Variants in KAZN observed in about 807,000 individuals in gnomAD.
The protein encoded by KAZN is kazrin, periplakin interacting protein, also known as kazrin.
In KAZN, 40 loss-of-function variants were observed where a neutral mutation model predicts 87.4. That is an observed-to-expected ratio of 0.46 (90% CI 0.36 to 0.60). The LOEUF (loss-of-function observed/expected upper bound fraction) is 0.60. Among genes scored for constraint, KAZN ranks in the 20% least tolerant of loss-of-function variants. KAZN has a pLI of 0.00. For synonymous variants in KAZN, 466 were observed against 458.3 expected, an observed-to-expected ratio of 1.02 and a Z score of -0.22; for missense variants, 898 against 1,073.9, an observed-to-expected ratio of 0.84 and a Z score of 2.29.
At chr1:14,587,162 G>A (rs764415958) in intron 2 of KAZN, among the ~76,000 whole-genome samples, 3 of 152,216 alleles carry the variant, frequency 2.0e-5, no homozygotes, top group African/African-American at 4.8e-5. Flanking sequence ...GGGGCCAGGC[G>A]CGGTGGCTCA....
At chr1:14,745,200 C>T (rs140380408) in intron 1 of KAZN, among the ~76,000 whole-genome samples, 5 of 150,284 alleles carry the variant, frequency 3.3e-5, no homozygotes, top group African/African-American at 9.8e-5. Flanking sequence ...GAGTATACAG[C>T]GCCAAGACCG....
At position 14,565,497 on chromosome 1, in the gene KAZN, T is replaced by C. The variant is rs186632702; in HGVS notation, c.250-33486T>C. Among the ~76,000 whole-genome samples the C allele has an allele frequency of 2.1e-3, 322 of 152,306 alleles. 2 individuals carry two copies. Among genetic ancestry groups the C allele is most frequent in the Middle Eastern group, 0.01 (3 of 294 alleles). On this transcript the variant is annotated intron_variant, in intron 2 of 16. Transcript: ENST00000636203. ...CAATGCTGATGGTGGCTGCTGGAGGTTAGCGTGGCTCTGGCAATTTCTTAA... is the reference window on the plus strand; with the variant it reads ...CAATGCTGATGGTGGCTGCTGGAGGCTAGCGTGGCTCTGGCAATTTCTTAA...
At chr1:14,916,170 CTTTTTTTT>C (rs71307000) in intron 1 of KAZN, among the ~76,000 whole-genome samples, 12 of 113,598 alleles carry the variant, frequency 1.1e-4, no homozygotes, top group Non-Finnish European at 1.5e-4. Context: ...CACTGTTGTT[CTTTTTTTT>C]TTTTTTTTTT....
At chr1:14,315,701 A>G (rs1467778960) in intron 2 of KAZN, among the ~76,000 whole-genome samples, 1 of 152,016 alleles carries the variant, frequency 6.6e-6, no homozygotes, top group African/African-American at 2.4e-5. Flanking sequence ...GTTTTTAAAG[A>G]TTTATCCCTA....
At chr1:14,646,409 C>CA in intron 1 of KAZN, among the ~76,000 whole-genome samples, 1 of 152,064 alleles carries the variant, frequency 6.6e-6, no homozygotes, top group East Asian at 1.9e-4. Flanking sequence ...AAGACTGTCT[C>CA]AAAAACAGAA....
At chr1:15,091,421 T>G (rs1210556326) in intron 8 of KAZN, among the ~76,000 whole-genome samples, 1 of 152,234 alleles carries the variant, frequency 6.6e-6, no homozygotes, top group Admixed American at 6.5e-5. Context: ...CTCGACTTAC[T>G]GCAACCTCTG....
chr1:14,959,731 G>A (rs1034841162), intron 1 of KAZN, among the ~76,000 whole-genome samples: 1 of 152,212 alleles, frequency 6.6e-6, no homozygotes, highest in African/African-American at 2.4e-5. Context: ...TGCACAGCCT[G>A]ATCACTGCCT....
intron 2 of KAZN, among the ~76,000 whole-genome samples, chr1:14,450,676 G>C (rs1356148752): frequency 6.6e-6 from 1 of 152,134 alleles, no homozygotes; most frequent in Non-Finnish European, 1.5e-5. Flanking sequence ...TGGGGCGTGG[G>C]AAAAATGATG....
intron 4 of KAZN, among the ~76,000 whole-genome samples, chr1:15,046,486 A>AC (rs1338449793): frequency 1.3e-5 from 2 of 152,048 alleles, no homozygotes; most frequent in African/African-American, 4.8e-5. Flanking sequence ...CGATAATCAG[A>AC]CCCACGCACC....
chr1:13,907,106 C>G (rs1639467672), intron 1 of KAZN, among the ~76,000 whole-genome samples: 1 of 152,158 alleles, frequency 6.6e-6, no homozygotes, highest in South Asian at 2.1e-4. Context: ...GATGTGGTGT[C>G]TCTGTCTTCA....
intron 1 of KAZN, among the ~76,000 whole-genome samples, chr1:13,956,550 A>T (rs750460131): frequency 1.3e-5 from 2 of 151,928 alleles, no homozygotes; most frequent in African/African-American, 4.8e-5. Context: ...GCATACGATT[A>T]TTCTTTTCTT....
intron 1 of KAZN, among the ~76,000 whole-genome samples, chr1:14,940,507 TC>T (rs1481546249): frequency 1.3e-5 from 2 of 152,174 alleles, no homozygotes; most frequent in African/African-American, 4.8e-5. Flanking sequence ...GCATTTTTCC[TC>T]CCAGCCAGGG....
At chr1:14,439,217 T>C (rs1350019051) in intron 2 of KAZN, among the ~76,000 whole-genome samples, 1 of 152,240 alleles carries the variant, frequency 6.6e-6, no homozygotes, top group African/African-American at 2.4e-5. Flanking sequence ...TGCACAGGCC[T>C]GGTCATCATC....
chr1:14,818,133 T>G (rs1646628580), intron 1 of KAZN, among the ~76,000 whole-genome samples: 1 of 152,260 alleles, frequency 6.6e-6, no homozygotes, highest in Non-Finnish European at 1.5e-5. Context: ...TAATTGCTGC[T>G]GGGCAAACTG....
chr1:14,867,651 G>T (rs1008329447), intron 1 of KAZN, among the ~76,000 whole-genome samples: 1 of 152,010 alleles, frequency 6.6e-6, no homozygotes, highest in Non-Finnish European at 1.5e-5. Flanking sequence ...AATGACAACA[G>T]CAGTCATCCT....
At chr1:14,533,259 A>G (rs548451086) in intron 2 of KAZN, among the ~76,000 whole-genome samples, 51 of 152,308 alleles carry the variant, frequency 3.3e-4, no homozygotes, top group African/African-American at 1.2e-3. Flanking sequence ...GTACCCCAGG[A>G]CAAGTTATTA....
intron 1 of KAZN, among the ~76,000 whole-genome samples, chr1:13,914,524 T>C (rs1187205851): frequency 3.3e-5 from 5 of 152,230 alleles, no homozygotes; most frequent in African/African-American, 1.2e-4. Flanking sequence ...TAGGTTATGT[T>C]ATACGGCCCT....
intron 1 of KAZN, among the ~76,000 whole-genome samples, chr1:14,819,584 G>A (rs2871739): frequency 0.36 from 54,512 of 151,518 alleles, 11,084 homozygotes; most frequent in East Asian, 0.55. Flanking sequence ...CTGCCAAAGT[G>A]CCCTACAGAT....
intron 2 of KAZN, among the ~76,000 whole-genome samples, chr1:14,363,220 ACTC>A (rs1253287563): frequency 1.3e-5 from 2 of 151,884 alleles, no homozygotes; most frequent in African/African-American, 4.8e-5. Context: ...TCTATAAACT[ACTC>A]CTGGAAGGCA....
Sources: gnomAD v4.1 joint callset for allele counts (sites outside exome capture counted in the v4.1 genomes callset) on GRCh38, gnomAD v4.1.1 for gene constraint, MANE v1.5 for transcripts, NCBI Gene and HGNC (gene_info 2026-07-23, HGNC 2026-07-21) for gene names.